The following PKIA variants were observed in gnomAD, a reference collection of about 807,000 sequenced individuals.
PKIA encodes PKI-alpha.
PKIA carries 4 observed loss-of-function variants against 7.6 expected under a neutral mutation model. The observed-to-expected ratio is 0.52, with a 90% CI of 0.26 to 1.20. PKIA has a LOEUF of 1.20. Among genes scored for constraint, PKIA ranks in the 50% most tolerant of loss-of-function variants. PKIA has a pLI of 0.13. For missense variants in PKIA, 73 were observed against 86.2 expected, an observed-to-expected ratio of 0.85 and a Z score of 0.61; for synonymous variants, 21 against 30.7, an observed-to-expected ratio of 0.68 and a Z score of 1.04.
chr8:78,587,427 T>C (rs567121340), intron 2 of PKIA, among the ~76,000 whole-genome samples: 58 of 152,356 alleles, frequency 3.8e-4, no homozygotes, highest in African/African-American at 1.3e-3. Context: ...GATTAACCTT[T>C]CGCTGCTTTA....
intron 2 of PKIA, among the ~76,000 whole-genome samples, chr8:78,579,574 T>G (rs947556039): frequency 6.6e-6 from 1 of 152,094 alleles, no homozygotes. Context: ...ATTTTCATTT[T>G]GTGGAGGCAT....
chr8:78,600,364 CT>C (rs1385670605), intron 3 of PKIA, among the ~76,000 whole-genome samples: 3 of 151,874 alleles, frequency 2.0e-5, no homozygotes, highest in African/African-American at 7.2e-5. Context: ...TCATGTTTAC[CT>C]TTATTTGTTA....
intron 2 of PKIA, among the ~76,000 whole-genome samples, chr8:78,582,250 G>T (rs1195990870): frequency 1.3e-5 from 2 of 151,248 alleles, no homozygotes; most frequent in Non-Finnish European, 2.9e-5. Flanking sequence ...CTGCTATAAG[G>T]ACATACCCAG....
At chr8:78,564,380 C>A (rs936647122) in intron 1 of PKIA, among the ~76,000 whole-genome samples, 1 of 151,390 alleles carries the variant, frequency 6.6e-6, no homozygotes, top group African/African-American at 2.4e-5. Flanking sequence ...TGAGAGAAGA[C>A]AATTAAGAGA....
intron 1 of PKIA, among the ~76,000 whole-genome samples, chr8:78,547,231 C>T (rs1806846910): frequency 6.6e-6 from 1 of 152,216 alleles, no homozygotes; most frequent in South Asian, 2.1e-4. Flanking sequence ...GCCTCAGCCT[C>T]CCAAGTAGCT....
At chr8:78,579,121 A>G (rs930914991) in intron 2 of PKIA, among the ~76,000 whole-genome samples, 10 of 151,926 alleles carry the variant, frequency 6.6e-5, no homozygotes, top group Non-Finnish European at 1.0e-4. Flanking sequence ...CTCTAACTTT[A>G]AAATCTGTCC....
chr8:78,598,476 C>T lies in PKIA; in HGVS notation c.92C>T (p.Ala31Val). Residue 31 changes from alanine (A) to valine (V), a missense_variant, in exon 3 of 4, where the codon GCA (alanine) becomes GTA (valine). By Grantham distance (64) the Ala-to-Val change is moderately conservative. Transcript: ENST00000396418. ...ATACATGATATCCTGGTTTCCTCTGCAAGTGGCAACAGCAATGAATTAGCC... is the reference window on the plus strand; with the variant it reads ...ATACATGATATCCTGGTTTCCTCTGTAAGTGGCAACAGCAATGAATTAGCC... ...NAIHDILVSSASGNSNELALK... is the reference protein window; with the variant it reads ...NAIHDILVSSVSGNSNELALK... 6.2e-7 allele frequency: 1 copy of T among 1,611,130 alleles called. No homozygotes were observed.
chr8:78,597,196 A>T (rs956997760), intron 2 of PKIA, among the ~76,000 whole-genome samples: 5 of 151,710 alleles, frequency 3.3e-5, no homozygotes, highest in African/African-American at 9.7e-5. Flanking sequence ...ATTTCAGAAA[A>T]TTTTTTTTCT....
chr8:78,561,824 TGG>T (rs543619727), intron 1 of PKIA, among the ~76,000 whole-genome samples: 88 of 152,338 alleles, frequency 5.8e-4, no homozygotes, highest in African/African-American at 1.9e-3. Context: ...TCATGTAACA[TGG>T]GATAATGCAC....
intron 2 of PKIA, chr8:78,591,316 C>G (rs1303980642): frequency 6.6e-6 from 1 of 152,630 alleles, no homozygotes; most frequent in Non-Finnish European, 1.5e-5. Context: ...CTCTTGAAAT[C>G]TGTCTAAATC....
chr8:78,577,299 T>TC (rs1807697236), intron 2 of PKIA, among the ~76,000 whole-genome samples: 1 of 151,798 alleles, frequency 6.6e-6, no homozygotes, highest in South Asian at 2.1e-4. Flanking sequence ...TGATGAGAAT[T>TC]CCTGAACACA....
At chr8:78,564,533 G>A (rs1372986009) in intron 1 of PKIA, among the ~76,000 whole-genome samples, 2 of 151,936 alleles carry the variant, frequency 1.3e-5, no homozygotes, top group Non-Finnish European at 2.9e-5. Flanking sequence ...TTTTGGTAAT[G>A]TACTTCATCT....
intron 1 of PKIA, among the ~76,000 whole-genome samples, chr8:78,539,688 G>A (rs1257585559): frequency 2.0e-5 from 3 of 151,972 alleles, no homozygotes; most frequent in African/African-American, 4.8e-5. Context: ...ATGTGATTAT[G>A]TAGTCCACAA....
At chr8:78,523,033 C>A (rs959646829) in intron 1 of PKIA, among the ~76,000 whole-genome samples, 6 of 151,878 alleles carry the variant, frequency 4.0e-5, no homozygotes, top group African/African-American at 1.4e-4. Context: ...CAGCAGAAGA[C>A]AGTCTCTATT....
rs554921612 is a variant in PKIA, at chr8:78,537,301, A to G, written c.-157+20833A>G. On this transcript the variant is annotated intron_variant, in intron 1 of 3. Transcript: ENST00000396418. ...TTCTCTGATACAGTAAAAGATAGCT[A>G]TAAACTTTTAGCAAAATTTATCTCT... Among the ~76,000 whole-genome samples the G allele has an allele frequency of 5.9e-5, 9 of 152,140 alleles. No homozygotes were observed. In the South Asian group the frequency reaches 1.2e-3, roughly 21 times the overall value.
At chr8:78,552,424 A>C (rs2118475101) in intron 1 of PKIA, among the ~76,000 whole-genome samples, 1 of 152,062 alleles carries the variant, frequency 6.6e-6, no homozygotes, top group African/African-American at 2.4e-5. Context: ...TCTTCTGGAA[A>C]ACATCATTCT....
chr8:78,589,271 C>T (rs1808035986), intron 2 of PKIA, among the ~76,000 whole-genome samples: 1 of 151,704 alleles, frequency 6.6e-6, no homozygotes, highest in Admixed American at 6.6e-5. Flanking sequence ...ATTTAAAGAG[C>T]ATACAAAAAA....
intron 1 of PKIA, among the ~76,000 whole-genome samples, chr8:78,569,548 A>G (rs1288140201): frequency 6.6e-6 from 1 of 152,126 alleles, no homozygotes; most frequent in African/African-American, 2.4e-5. Context: ...ATAATAAGTT[A>G]AAATAAGATC....
intron 2 of PKIA, among the ~76,000 whole-genome samples, chr8:78,576,615 C>T (rs962664971): frequency 1.3e-5 from 2 of 151,856 alleles, no homozygotes; most frequent in Non-Finnish European, 2.9e-5. Context: ...ATTAAAATTT[C>T]AGCACCTGGG....
Sources: allele counts gnomAD v4.1 joint callset (sites outside exome capture counted in the v4.1 genomes callset), GRCh38; gene constraint gnomAD v4.1.1; transcripts MANE v1.5; gene names NCBI Gene and HGNC (gene_info 2026-07-23, HGNC 2026-07-21).